NBAS: variants seen among roughly 807,000 people sequenced by gnomAD.
NBAS encodes NAG/BC035112 fusion.
NBAS carries 219 observed loss-of-function variants against 302.5 expected under a neutral mutation model. That is an observed-to-expected ratio of 0.72 (90% confidence interval 0.65 to 0.81). The LOEUF (loss-of-function observed/expected upper bound fraction) is 0.81, where lower values mean the gene tolerates loss of function less well. Ranked by LOEUF, NBAS falls within the 30% of genes least tolerant of loss-of-function variation. NBAS has a pLI of 0.00. For missense variants in NBAS, 2,932 were observed against 2,841.6 expected, an observed-to-expected ratio of 1.03 and a Z score of -0.72; for synonymous variants, 1,118 against 1,021.6, an observed-to-expected ratio of 1.09 and a Z score of -1.80.
At chr2:15,462,671 T>C (rs973496934) in intron 19 of NBAS, among the ~76,000 whole-genome samples, 2 of 151,936 alleles carry the variant, frequency 1.3e-5, no homozygotes, top group African/African-American at 4.8e-5. Context: ...CACTTGTAGA[T>C]GGGTTAAGTT....
At chr2:15,198,413 C>T (rs1665716467) in intron 48 of NBAS, among the ~76,000 whole-genome samples, 1 of 151,844 alleles carries the variant, frequency 6.6e-6, no homozygotes, top group African/African-American at 2.4e-5. Context: ...CAAGGTGGCA[C>T]ACGAGAAAGG....
chr2:15,504,414 T>TA (rs1661745356), intron 10 of NBAS, among the ~76,000 whole-genome samples: 1 of 152,184 alleles, frequency 6.6e-6, no homozygotes. Flanking sequence ...GGTACAATCT[T>TA]ACAAAAGACA....
chr2:15,400,828 A>G (rs1215410065), intron 26 of NBAS, among the ~76,000 whole-genome samples: 1 of 152,176 alleles, frequency 6.6e-6, no homozygotes, highest in Non-Finnish European at 1.5e-5. Flanking sequence ...CTAACTGTTT[A>G]AAGTAAAAAG....
the NBAS span, among the ~76,000 whole-genome samples, chr2:14,859,394 A>T: frequency 3.3e-5 from 5 of 152,006 alleles, no homozygotes; most frequent in Non-Finnish European, 5.9e-5. Context: ...GCCAATCCTG[A>T]GCAAATAAAA....
At chr2:15,365,507 A>C (rs949621711) in intron 32 of NBAS, among the ~76,000 whole-genome samples, 3 of 152,196 alleles carry the variant, frequency 2.0e-5, no homozygotes, top group African/African-American at 7.2e-5. Flanking sequence ...TAATTTAGCA[A>C]ATGTGTGGCA....
the NBAS span, among the ~76,000 whole-genome samples, chr2:15,036,323 G>A: frequency 3.9e-5 from 6 of 152,172 alleles, no homozygotes; most frequent in Admixed American, 3.9e-4. Context: ...ATTGCAAGGT[G>A]CTGTGCTAGA....
chr2:14,803,494 G>A, the NBAS span, among the ~76,000 whole-genome samples: 2 of 152,054 alleles, frequency 1.3e-5, no homozygotes, highest in African/African-American at 2.4e-5. Flanking sequence ...TCTCTGTACT[G>A]CATTTTGGAA....
At chr2:15,341,061 G>A (rs978217403) in intron 35 of NBAS, among the ~76,000 whole-genome samples, 1 of 152,058 alleles carries the variant, frequency 6.6e-6, no homozygotes, top group Non-Finnish European at 1.5e-5. Context: ...ACCCTACAGG[G>A]CTAAATAATA....
intron 35 of NBAS, among the ~76,000 whole-genome samples, chr2:15,349,131 T>A (rs1293329207): frequency 6.6e-6 from 1 of 152,086 alleles, no homozygotes; most frequent in Non-Finnish European, 1.5e-5. Context: ...ACATAACAGA[T>A]GTTTGAAAGG....
At chr2:15,034,223 G>GAAAGAAA in the NBAS span, among the ~76,000 whole-genome samples, 1 of 20,168 alleles carries the variant, frequency 5.0e-5, no homozygotes, top group African/African-American at 2.2e-4. Flanking sequence ...AGAAAGAGAG[G>GAAAGAAA]GAAAGAAAGA....
the NBAS span, among the ~76,000 whole-genome samples, chr2:14,904,002 GTTGGGCGAGGCGC>G: frequency 2.0e-5 from 3 of 152,210 alleles, no homozygotes; most frequent in Non-Finnish European, 4.4e-5. Context: ...ACCCCATTAG[GTTGGGCGAGGCGC>G]TCCCTTCTGG....
At chr2:15,118,690 C>A in the NBAS span, among the ~76,000 whole-genome samples, 25 of 152,196 alleles carry the variant, frequency 1.6e-4, no homozygotes, top group Admixed American at 1.6e-3. Context: ...AAAGAGACAC[C>A]GTGTCCTGGC....
the NBAS span, among the ~76,000 whole-genome samples, chr2:14,966,206 GAATA>G: frequency 2.0e-4 from 30 of 152,292 alleles, no homozygotes; most frequent in East Asian, 5.6e-3. Flanking sequence ...AACTATGAGA[GAATA>G]AATTTCTGTT....
At chr2:15,312,939 C>T (rs1306022137) in intron 38 of NBAS, among the ~76,000 whole-genome samples, 7 of 152,268 alleles carry the variant, frequency 4.6e-5, no homozygotes, top group South Asian at 2.1e-4. Flanking sequence ...ATTTCAATAG[C>T]CCCCCAATGC....
At chr2:15,031,857 A>G in the NBAS span, among the ~76,000 whole-genome samples, 1 of 152,188 alleles carries the variant, frequency 6.6e-6, no homozygotes, top group Non-Finnish European at 1.5e-5. Context: ...AACTGGCTGG[A>G]GATTATCCTG....
At chr2:14,800,348 T>C in the NBAS span, among the ~76,000 whole-genome samples, 3 of 152,284 alleles carry the variant, frequency 2.0e-5, no homozygotes, top group African/African-American at 7.2e-5. Context: ...GAACAAGCTC[T>C]CTCTTTGCCT....
intron 50 of NBAS, among the ~76,000 whole-genome samples, chr2:15,180,561 A>T (rs754226561): frequency 1.3e-5 from 2 of 152,214 alleles, no homozygotes; most frequent in Non-Finnish European, 2.9e-5. Flanking sequence ...GGCTGGCCGC[A>T]TCCTGTGGCC....
At chr2:14,823,033 A>G in the NBAS span, among the ~76,000 whole-genome samples, 8 of 152,240 alleles carry the variant, frequency 5.3e-5, no homozygotes, top group Non-Finnish European at 1.2e-4. Flanking sequence ...ACTGTCACAT[A>G]TAGTGTTCTG....
intron 10 of NBAS, 22 bp from the exon 11 acceptor site, chr2:15,504,235 T>A: frequency 6.4e-7 from 1 of 1,559,442 alleles, no homozygotes; most frequent in Non-Finnish European, 8.8e-7. Flanking sequence ...ATGCATCATA[T>A]GAAGAAAGAT....
Sources: gnomAD v4.1 joint callset for allele counts (sites outside exome capture counted in the v4.1 genomes callset) on GRCh38, gnomAD v4.1.1 for gene constraint, MANE v1.5 for transcripts, NCBI Gene and HGNC (gene_info 2026-07-23, HGNC 2026-07-21) for gene names.